CEP128: variants seen among roughly 807,000 people sequenced by gnomAD.
The protein encoded by CEP128 is centrosomal protein 128kDa.
CEP128 carries 132 observed loss-of-function variants against 156.7 expected under a neutral mutation model. That is an observed-to-expected ratio of 0.84 (90% CI 0.73 to 0.97). The LOEUF is 0.97. Ranked by LOEUF, CEP128 falls within the 50% of genes least tolerant of loss-of-function variation. The probability of loss-of-function intolerance (pLI) is 0.00; values close to 1 mark genes in which losing one functional copy is unlikely to be tolerated. For synonymous variants in CEP128, 469 were observed against 448.9 expected (o/e 1.04, Z -0.57); for missense variants, 1,252 against 1,281.9 (o/e 0.98, Z 0.36).
chr14:80,768,375 A>T (rs1900347934), intron 16 of CEP128, among the ~76,000 whole-genome samples: 1 of 152,194 alleles, frequency 6.6e-6, no homozygotes, highest in Non-Finnish European at 1.5e-5. Context: ...TGAACTAAAT[A>T]TGGGTCCATG....
chr14:80,719,179 C>A, intron 19 of CEP128, among the ~76,000 whole-genome samples: 1 of 152,198 alleles, frequency 6.6e-6, no homozygotes, highest in South Asian at 2.1e-4. Flanking sequence ...TCCATGGCAA[C>A]AATGCAGAAG....
intron 19 of CEP128, among the ~76,000 whole-genome samples, chr14:80,614,344 G>A (rs1893125835): frequency 6.6e-6 from 1 of 152,082 alleles, no homozygotes; most frequent in Non-Finnish European, 1.5e-5. Flanking sequence ...ATTTGATACT[G>A]CTGACTACAT....
chr14:80,779,108 C>T (rs1370689776), intron 15 of CEP128, among the ~76,000 whole-genome samples: 1 of 152,168 alleles, frequency 6.6e-6, no homozygotes, highest in Non-Finnish European at 1.5e-5. Context: ...CTGGGTGCAA[C>T]TAGAAATGCT....
Position 80,497,329 on chromosome 14 carries a change from C to G in CEP128, c.*150G>C. 1 of 594,556 alleles carries G rather than the reference C, an allele frequency of 1.7e-6. No homozygotes were observed. The highest frequency in any genetic ancestry group is 2.2e-5 in the South Asian group (1 of 46,372). 36.8% of individuals were successfully genotyped at this position (594,556 alleles called of 1,614,324 possible). On this transcript the variant is annotated 3_prime_UTR_variant, in exon 25 of 25. Transcript: ENST00000555265. ...TTGGTTTACCATTCACAAGGACCAA[C>G]AGTATTGTCACTTTTGTCAATGTTT...
chr14:80,694,414 G>GATTATAAATCA (rs1345226391), intron 19 of CEP128, among the ~76,000 whole-genome samples: 1 of 152,092 alleles, frequency 6.6e-6, no homozygotes, highest in East Asian at 1.9e-4. Flanking sequence ...ATACCCAAAG[G>GATTATAAATCA]ATTATAAATC....
At chr14:80,857,071 G>A (rs543241145) in intron 9 of CEP128, among the ~76,000 whole-genome samples, 5 of 151,762 alleles carry the variant, frequency 3.3e-5, no homozygotes, top group African/African-American at 9.7e-5. Context: ...TAAGTAATTC[G>A]GCTGAAGATG....
intron 19 of CEP128, among the ~76,000 whole-genome samples, chr14:80,688,488 A>C (rs1488105118): frequency 6.6e-6 from 1 of 152,212 alleles, no homozygotes; most frequent in Non-Finnish European, 1.5e-5. Flanking sequence ...CTGACTTATT[A>C]AATAGCATCA....
intron 14 of CEP128, among the ~76,000 whole-genome samples, chr14:80,480,542 T>G (rs923157942): frequency 6.6e-6 from 1 of 152,078 alleles, no homozygotes; most frequent in East Asian, 1.9e-4. Flanking sequence ...GAAACCATAT[T>G]TTCCTCCTGG....
intron 19 of CEP128, among the ~76,000 whole-genome samples, chr14:80,621,463 T>C (rs1233473559): frequency 1.4e-4 from 22 of 152,170 alleles, no homozygotes; most frequent in Admixed American, 1.4e-3. Context: ...TTAATGATAA[T>C]TGTATCAGTG....
chr14:80,535,731 C>T (rs1012470998), intron 21 of CEP128, among the ~76,000 whole-genome samples: 2 of 152,106 alleles, frequency 1.3e-5, no homozygotes, highest in African/African-American at 4.8e-5. Flanking sequence ...TAACATTTAA[C>T]ACTAGTGAAG....
intron 19 of CEP128, among the ~76,000 whole-genome samples, chr14:80,584,327 G>A (rs1419345007): frequency 6.6e-6 from 1 of 151,668 alleles, no homozygotes; most frequent in East Asian, 1.9e-4. Context: ...TACATTTTCA[G>A]TAGAGACGGG....
At chr14:80,865,802 C>G (rs1485307608) in intron 8 of CEP128, among the ~76,000 whole-genome samples, 1 of 152,048 alleles carries the variant, frequency 6.6e-6, no homozygotes, top group African/African-American at 2.4e-5. Flanking sequence ...ACAAAAGAAG[C>G]CTTTTAACAG....
chr14:80,500,944 T>A lies in CEP128; in HGVS notation c.3182-3362A>T, dbSNP rs143484462. The stretch of plus-strand genomic sequence containing the variant: ...CCTGGGTTTATTAATTGACTCTTGT[T>A]TTAATTTTATTTCTTTTTATTTGCT... On this transcript the variant is annotated intron_variant, in intron 24 of 24. Coordinates refer to ENST00000555265, the MANE Select transcript of CEP128 (RefSeq NM_152446.5). Among the ~76,000 whole-genome samples the A allele has an allele frequency of 1.7e-3, 266 of 152,324 alleles. 1 individual carries two copies. Among genetic ancestry groups the A allele is most frequent in the African/African-American group, 5.9e-3 (244 of 41,568 alleles).
chr14:80,611,032 T>C (rs1200497169), intron 19 of CEP128, among the ~76,000 whole-genome samples: 1 of 152,010 alleles, frequency 6.6e-6, no homozygotes, highest in African/African-American at 2.4e-5. Flanking sequence ...CATATAAAAA[T>C]AGGAGCATGC....
intron 13 of CEP128, among the ~76,000 whole-genome samples, chr14:80,794,430 A>C (rs1393776339): frequency 1.3e-5 from 2 of 152,220 alleles, no homozygotes; most frequent in African/African-American, 4.8e-5. Flanking sequence ...TCATCCACCC[A>C]AATGGTAAAT....
At chr14:80,555,633 C>T (rs1426784266) in intron 21 of CEP128, among the ~76,000 whole-genome samples, 1 of 152,056 alleles carries the variant, frequency 6.6e-6, no homozygotes, top group African/African-American at 2.4e-5. Context: ...ATCCTTTTAA[C>T]AAACCCTTTT....
intron 2 of CEP128, among the ~76,000 whole-genome samples, chr14:80,953,761 T>G (rs539594152): frequency 1.3e-5 from 2 of 152,202 alleles, no homozygotes; most frequent in African/African-American, 4.8e-5. Context: ...CAAAATTCTC[T>G]GGTGTTCATT....
intron 2 of CEP128, among the ~76,000 whole-genome samples, chr14:80,933,969 C>T (rs1026007022): frequency 6.6e-6 from 1 of 152,110 alleles, no homozygotes; most frequent in Non-Finnish European, 1.5e-5. Flanking sequence ...GACTCTGATG[C>T]CAGGGAGGTC....
chr14:80,813,168 T>A (rs544711520), intron 13 of CEP128, among the ~76,000 whole-genome samples: 1 of 152,342 alleles, frequency 6.6e-6, no homozygotes, highest in East Asian at 1.9e-4. Context: ...TTCTGTAGGT[T>A]GTCTGTTTAC....
Sources: allele counts gnomAD v4.1 joint callset (sites outside exome capture counted in the v4.1 genomes callset), GRCh38; gene constraint gnomAD v4.1.1; transcripts MANE v1.5; gene names NCBI Gene and HGNC (gene_info 2026-07-23, HGNC 2026-07-21).